MDGA2: variants seen among roughly 807,000 people sequenced by gnomAD.
MDGA2 encodes the protein MAM domain containing glycosylphosphatidylinositol anchor 2.
Under a neutral mutation model 117.8 loss-of-function variants are expected in MDGA2, and 40 were observed. The ratio of observed to expected loss-of-function variants is 0.34; its 90% CI spans 0.26 to 0.44. The LOEUF (loss-of-function observed/expected upper bound fraction) is 0.44, where lower values mean the gene tolerates loss of function less well. Among genes scored for constraint, MDGA2 ranks in the 20% least tolerant of loss-of-function variants. MDGA2 has a pLI of 1.00. For missense variants in MDGA2, 1,123 were observed against 1,250.6 expected (o/e 0.90, Z 1.54); for synonymous variants, 452 against 439.0 (o/e 1.03, Z -0.37).
chr14:47,086,871 T>C (rs758094749), intron 6 of MDGA2, among the ~76,000 whole-genome samples: 2 of 152,204 alleles, frequency 1.3e-5, no homozygotes, highest in African/African-American at 4.8e-5. Flanking sequence ...TATGCTTCAG[T>C]TGTGATGTTA....
At chr14:47,085,313 T>C (rs1038293248) in intron 6 of MDGA2, among the ~76,000 whole-genome samples, 5 of 152,118 alleles carry the variant, frequency 3.3e-5, no homozygotes, top group Non-Finnish European at 7.4e-5. Flanking sequence ...ACAGAAATCA[T>C]TATAATAGAA....
chr14:47,449,754 T>A (rs1893201441), intron 1 of MDGA2, among the ~76,000 whole-genome samples: 1 of 152,116 alleles, frequency 6.6e-6, no homozygotes, highest in South Asian at 2.1e-4. Flanking sequence ...TAGGCAGACA[T>A]CGACCAACTT....
In MDGA2 at chr14:46,840,939, C is replaced by A. The variant is rs1224688432; in HGVS notation, c.*992G>T. On this transcript the variant is annotated 3_prime_UTR_variant, in exon 17 of 17. Transcript: ENST00000399232. ...GGTTAAACAACAAATATCTTGTCTG[C>A]ATGGGCTTACGCAGCAGCTTCGGTC... 6.6e-6 allele frequency: 1 copy of A among 152,590 alleles called. No homozygotes were observed. The highest frequency in any genetic ancestry group is 1.9e-4 in the East Asian group (1 of 5,198). 9.5% of individuals were successfully genotyped at this position (152,590 alleles called of 1,614,324 possible).
At chr14:46,984,118 G>A (rs1294017991) in intron 8 of MDGA2, among the ~76,000 whole-genome samples, 2 of 151,866 alleles carry the variant, frequency 1.3e-5, no homozygotes, top group Non-Finnish European at 2.9e-5. Flanking sequence ...CAGGGCATAT[G>A]TACCAGTCTC....
rs558490523 is a variant in MDGA2, at chr14:47,533,339, T to C, written c.280+141178A>G. Among the ~76,000 whole-genome samples, 84 of 152,352 alleles carry C rather than the reference T, an allele frequency of 5.5e-4. 1 individual carries two copies. The highest frequency in any genetic ancestry group is 2.0e-3 in the African/African-American group (83 of 41,586). ...GCATACATTCCAGTCTTCCTTATTC[T>C]TGTCTGCCCTTCCATTCCCACAATA... On this transcript the variant is annotated intron_variant, in intron 1 of 16. Transcript: ENST00000399232.
At chr14:46,964,440 A>C (rs949478057) in intron 8 of MDGA2, among the ~76,000 whole-genome samples, 4 of 152,340 alleles carry the variant, frequency 2.6e-5, no homozygotes, top group Admixed American at 2.0e-4. Context: ...CAAGGAGGCA[A>C]AACATTAAGG....
chr14:47,206,398 C>T (rs1332154441), intron 3 of MDGA2, among the ~76,000 whole-genome samples: 2 of 151,576 alleles, frequency 1.3e-5, no homozygotes, highest in African/African-American at 4.8e-5. Flanking sequence ...TGAGATTAGC[C>T]TGGTTAACAG....
At chr14:46,970,355 T>A (rs1018467460) in intron 8 of MDGA2, among the ~76,000 whole-genome samples, 20 of 152,170 alleles carry the variant, frequency 1.3e-4, no homozygotes, top group African/African-American at 4.6e-4. Context: ...AAAAACAGAC[T>A]TAGATCAATG....
intron 6 of MDGA2, among the ~76,000 whole-genome samples, chr14:47,092,611 C>T (rs1019186625): frequency 6.6e-6 from 1 of 152,128 alleles, no homozygotes; most frequent in Non-Finnish European, 1.5e-5. Context: ...TCCATGGGAC[C>T]TGTCAGCTTT....
intron 1 of MDGA2, among the ~76,000 whole-genome samples, chr14:47,593,141 C>T (rs1044240924): frequency 3.9e-5 from 6 of 152,262 alleles, no homozygotes; most frequent in Middle Eastern, 3.4e-3. Context: ...AGTTCAACGT[C>T]GCTAATTATT....
chr14:47,623,716 G>A (rs1424925058), intron 1 of MDGA2, among the ~76,000 whole-genome samples: 2 of 151,824 alleles, frequency 1.3e-5, no homozygotes, highest in African/African-American at 2.4e-5. Flanking sequence ...AAAAAATATT[G>A]AGGCTTGAGC....
At chr14:46,900,711 A>G (rs180854151) in intron 10 of MDGA2, among the ~76,000 whole-genome samples, 16 of 152,304 alleles carry the variant, frequency 1.1e-4, no homozygotes, top group Non-Finnish European at 1.8e-4. Flanking sequence ...GGGATATAAA[A>G]GAGTAACATC....
At chr14:46,854,334 A>AT (rs1358849462) in intron 15 of MDGA2, among the ~76,000 whole-genome samples, 2 of 151,532 alleles carry the variant, frequency 1.3e-5, no homozygotes, top group African/African-American at 4.8e-5. Flanking sequence ...ATATAAAAAT[A>AT]TTTGGATATG....
chr14:47,125,058 T>C (rs1881831922), intron 5 of MDGA2, among the ~76,000 whole-genome samples: 1 of 152,146 alleles, frequency 6.6e-6, no homozygotes, highest in Non-Finnish European at 1.5e-5. Context: ...GATGGTTAAC[T>C]AGCATATCTA....
chr14:47,558,914 T>C (rs1001392028), intron 1 of MDGA2, among the ~76,000 whole-genome samples: 3 of 152,202 alleles, frequency 2.0e-5, no homozygotes, highest in African/African-American at 7.2e-5. Context: ...AGCTATAATC[T>C]GTAAATTTTA....
intron 6 of MDGA2, among the ~76,000 whole-genome samples, chr14:47,062,315 G>C (rs1045016427): frequency 6.6e-6 from 1 of 151,932 alleles, no homozygotes. Flanking sequence ...TAACAGAAAT[G>C]TTTTCCAGGT....
intron 2 of MDGA2, among the ~76,000 whole-genome samples, chr14:47,224,239 T>C (rs1886397340): frequency 6.8e-6 from 1 of 147,992 alleles, no homozygotes; most frequent in African/African-American, 2.5e-5. Context: ...AGAAACAACA[T>C]GGAGATTCTC....
rs141911483 is a variant in MDGA2, at chr14:47,176,332, G to A, written c.596-32058C>T. ...GTTCATATGGAACCAAAACAGAGCC[G>A]GCATTGCCAAGTCAATCCTAAGCCA... On this transcript the variant is annotated intron_variant, in intron 3 of 16. Coordinates refer to ENST00000399232, the MANE Select transcript of MDGA2 (RefSeq NM_001113498.3). 1.3e-3 allele frequency among the ~76,000 whole-genome samples: 202 copies of A among 152,000 alleles called. 1 individual carries two copies. The highest frequency in any genetic ancestry group is 2.3e-3 in the Admixed American group (35 of 15,244).
At position 47,277,708 on chromosome 14, in the gene MDGA2, G is replaced by C. The variant is rs117291155; in HGVS notation, c.420+23703C>G. ...TATGAAATGTTTCTCCAACCAAAAT[G>C]ATAGGGCTAAGAAATACAGTGGGAG... On this transcript the variant is annotated intron_variant, in intron 2 of 16. Transcript: ENST00000399232. Among the ~76,000 whole-genome samples the C allele has an allele frequency of 2.2e-4, 34 of 152,252 alleles. No homozygotes were observed. The East Asian group carries it at 3.5e-3, about 16-fold the overall frequency.
Sources: gnomAD v4.1 joint callset for allele counts (sites outside exome capture counted in the v4.1 genomes callset) on GRCh38, gnomAD v4.1.1 for gene constraint, MANE v1.5 for transcripts, NCBI Gene and HGNC (gene_info 2026-07-23, HGNC 2026-07-21) for gene names.